The following ADGRL3 variants were observed in gnomAD, a reference collection of about 807,000 sequenced individuals.
The protein encoded by ADGRL3 is calcium-independent alpha-latrotoxin receptor 3.
ADGRL3 carries 62 observed loss-of-function variants against 153.5 expected under a neutral mutation model. The observed-to-expected ratio is 0.40, with a 90% confidence interval of 0.33 to 0.50. ADGRL3 has a LOEUF of 0.50. Ranked by LOEUF, ADGRL3 falls within the 20% of genes least tolerant of loss-of-function variation. The pLI, the probability that ADGRL3 is intolerant of heterozygous loss-of-function variation, is 0.47. For missense variants in ADGRL3, 1,641 were observed against 1,859.4 expected (o/e 0.88, Z 2.16); for synonymous variants, 710 against 672.5 (o/e 1.06, Z -0.86).
chr4:61,748,660 T>C (rs1420545884), intron 8 of ADGRL3, among the ~76,000 whole-genome samples: 1 of 152,130 alleles, frequency 6.6e-6, no homozygotes, highest in African/African-American at 2.4e-5. Flanking sequence ...TAGCCATATG[T>C]AGAAAGCTGA....
At chr4:61,540,370 GA>G (rs2098682586) in intron 4 of ADGRL3, among the ~76,000 whole-genome samples, 1 of 152,008 alleles carries the variant, frequency 6.6e-6, no homozygotes, top group Non-Finnish European at 1.5e-5. Context: ...CCAATTAGGA[GA>G]AACTCCGTCT....
At chr4:61,495,935 T>A (rs1247493077) in intron 2 of ADGRL3, among the ~76,000 whole-genome samples, 1 of 152,230 alleles carries the variant, frequency 6.6e-6, no homozygotes, top group East Asian at 1.9e-4. Flanking sequence ...TGCTTACTGT[T>A]AAAAACAAGC....
At chr4:61,902,843 C>G (rs1304813706) in intron 11 of ADGRL3, among the ~76,000 whole-genome samples, 1 of 152,122 alleles carries the variant, frequency 6.6e-6, no homozygotes, top group African/African-American at 2.4e-5. Context: ...CTGTATTGCT[C>G]TCAACAAAAT....
chr4:61,907,794 C>G (rs545459928), intron 11 of ADGRL3, among the ~76,000 whole-genome samples: 1 of 152,238 alleles, frequency 6.6e-6, no homozygotes, highest in East Asian at 1.9e-4. Context: ...CCTTTGTTCT[C>G]TAGATATCGG....
intron 13 of ADGRL3, among the ~76,000 whole-genome samples, chr4:61,933,189 A>G (rs1218261316): frequency 1.3e-5 from 2 of 152,158 alleles, no homozygotes; most frequent in African/African-American, 2.4e-5. Context: ...AATTCACAGT[A>G]TCATCTAATC....
chr4:61,431,268 C>T (rs116716939), intron 2 of ADGRL3, among the ~76,000 whole-genome samples: 146 of 152,240 alleles, frequency 9.6e-4, no homozygotes, highest in African/African-American at 3.2e-3. Flanking sequence ...TTAAACAATC[C>T]TTCTATAAAA....
intron 2 of ADGRL3, among the ~76,000 whole-genome samples, chr4:61,486,137 A>C (rs527586344): frequency 6.6e-6 from 1 of 151,774 alleles, no homozygotes; most frequent in Non-Finnish European, 1.5e-5. Flanking sequence ...GTAGAGACGG[A>C]GTTTCACTGT....
At chr4:61,432,463 A>G (rs1464203469) in intron 2 of ADGRL3, among the ~76,000 whole-genome samples, 1 of 151,568 alleles carries the variant, frequency 6.6e-6, no homozygotes, top group East Asian at 1.9e-4. Flanking sequence ...TAACCATACT[A>G]TTTTTCTTAC....
Position 61,998,197 on chromosome 4 carries a change from T to A in ADGRL3, c.3327T>A (p.Ile1109=). 1 of 1,581,174 alleles carries A rather than the reference T, an allele frequency of 6.3e-7. No homozygotes were observed. Among genetic ancestry groups the A allele is most frequent in the East Asian group, 2.3e-5 (1 of 43,784 alleles). ...AGCTTAATGTAATCTTCCTTGGGAT[T>A]GCTTTATATAAAATGTTTCATCATA... ...IIMLNVIFLG[I]ALYKMFHHTA... Residue 1109 remains isoleucine, a synonymous_variant, in exon 21 of 27, where the codon ATT becomes ATA. Transcript: ENST00000683033.
chr4:61,308,838 A>G (rs940378672), intron 1 of ADGRL3, among the ~76,000 whole-genome samples: 1 of 152,236 alleles, frequency 6.6e-6, no homozygotes, highest in Non-Finnish European at 1.5e-5. Flanking sequence ...AGTTAAAGAA[A>G]GAAGAAAGTG....
intron 8 of ADGRL3, among the ~76,000 whole-genome samples, chr4:61,774,948 G>A (rs777986460): frequency 6.6e-6 from 1 of 152,162 alleles, no homozygotes; most frequent in Non-Finnish European, 1.5e-5. Context: ...GATTCTTCTG[G>A]TGCCGTCTCC....
chr4:61,462,436 G>T (rs545724874), intron 2 of ADGRL3, among the ~76,000 whole-genome samples: 2 of 152,252 alleles, frequency 1.3e-5, no homozygotes, highest in South Asian at 4.1e-4. Context: ...GCTTGTAAAG[G>T]AGAAGGAAAA....
At chr4:61,447,816 A>G (rs1279091620) in intron 2 of ADGRL3, among the ~76,000 whole-genome samples, 1 of 152,188 alleles carries the variant, frequency 6.6e-6, no homozygotes, top group Non-Finnish European at 1.5e-5. Flanking sequence ...ATTCTCTGGT[A>G]CTAGCTACAA....
At chr4:61,675,306 G>C (rs928157813) in intron 5 of ADGRL3, among the ~76,000 whole-genome samples, 2 of 151,788 alleles carry the variant, frequency 1.3e-5, no homozygotes, top group Non-Finnish European at 2.9e-5. Flanking sequence ...TAGCCCTGAG[G>C]TATTATATTT....
chr4:61,509,452 G>A (rs1372632000), intron 3 of ADGRL3, among the ~76,000 whole-genome samples: 1 of 151,966 alleles, frequency 6.6e-6, no homozygotes, highest in African/African-American at 2.4e-5. Flanking sequence ...ATGTCCATAA[G>A]TTTCAATGTT....
At chr4:61,923,772 C>G (rs2098781588) in intron 13 of ADGRL3, among the ~76,000 whole-genome samples, 1 of 152,102 alleles carries the variant, frequency 6.6e-6, no homozygotes, top group Non-Finnish European at 1.5e-5. Context: ...CTCAGTTTTC[C>G]TCTATTACAG....
At chr4:61,428,920 TC>T in intron 2 of ADGRL3, among the ~76,000 whole-genome samples, 1 of 151,708 alleles carries the variant, frequency 6.6e-6, no homozygotes, top group African/African-American at 2.4e-5. Flanking sequence ...TATCTATCTA[TC>T]TATCTATCTA....
chr4:61,691,185 A>G (rs552787910), intron 6 of ADGRL3, among the ~76,000 whole-genome samples: 1 of 152,272 alleles, frequency 6.6e-6, no homozygotes, highest in African/African-American at 2.4e-5. Context: ...ACAATTTGAG[A>G]ATTTATGACG....
At chr4:61,406,603 T>C (rs1054377203) in intron 2 of ADGRL3, among the ~76,000 whole-genome samples, 3 of 151,908 alleles carry the variant, frequency 2.0e-5, no homozygotes, top group African/African-American at 7.2e-5. Flanking sequence ...TTATTTTAAA[T>C]TTAACTTTTT....
Sources: gnomAD v4.1 joint callset for allele counts (sites outside exome capture counted in the v4.1 genomes callset) on GRCh38, gnomAD v4.1.1 for gene constraint, MANE v1.5 for transcripts, NCBI Gene and HGNC (gene_info 2026-07-23, HGNC 2026-07-21) for gene names.